TTLL11: variants seen among roughly 807,000 people sequenced by gnomAD.
TTLL11 encodes the protein tubulin polyglutamylase TTLL11.
In TTLL11, 42 loss-of-function variants were observed where a neutral mutation model predicts 51.7. The observed-to-expected ratio is 0.81, with a 90% CI of 0.64 to 1.05. The LOEUF is 1.05. TTLL11 is among the 50% of genes least tolerant of loss of function. TTLL11 has a pLI of 0.00. For synonymous variants in TTLL11, 381 were observed against 383.5 expected (o/e 0.99, Z 0.08); for missense variants, 799 against 940.4 (o/e 0.85, Z 1.97).
intron 8 of TTLL11, among the ~76,000 whole-genome samples, chr9:121,845,323 A>T (rs1371563152): frequency 6.6e-6 from 1 of 152,192 alleles, no homozygotes. Flanking sequence ...ATTATCCTCC[A>T]GAAATGAAGG....
chr9:121,829,847 A>T (rs1588053585), intron 8 of TTLL11, among the ~76,000 whole-genome samples: 1 of 151,666 alleles, frequency 6.6e-6, no homozygotes, highest in Non-Finnish European at 1.5e-5. Context: ...AATACCCCCA[A>T]CCTAGCCTCT....
At chr9:121,895,444 C>A (rs1324710624) in intron 6 of TTLL11, among the ~76,000 whole-genome samples, 2 of 148,338 alleles carry the variant, frequency 1.3e-5, no homozygotes, top group Non-Finnish European at 3.0e-5. Context: ...TGTCTGTGCA[C>A]GTTTGTGTGG....
chr9:121,829,185 C>T (rs1294293331), intron 8 of TTLL11, among the ~76,000 whole-genome samples: 1 of 151,990 alleles, frequency 6.6e-6, no homozygotes, highest in Non-Finnish European at 1.5e-5. Flanking sequence ...AACTCCTGAC[C>T]TAAAGCAATC....
At chr9:121,944,456 C>T (rs185592148) in intron 6 of TTLL11, among the ~76,000 whole-genome samples, 6 of 151,704 alleles carry the variant, frequency 4.0e-5, no homozygotes, top group Admixed American at 3.9e-4. Flanking sequence ...TGCAGTGAGC[C>T]GAGATCGCGC....
chr9:121,867,238 C>T (rs1005354587), intron 7 of TTLL11, among the ~76,000 whole-genome samples: 1 of 152,118 alleles, frequency 6.6e-6, no homozygotes, highest in Non-Finnish European at 1.5e-5. Flanking sequence ...TTTCAAATTG[C>T]CAACATTTGT....
Position 121,974,958 on chromosome 9 carries a change from G to C in TTLL11, c.1291C>G (p.Leu431Val). 1 of 1,536,478 alleles carries C rather than the reference G, an allele frequency of 6.5e-7. No homozygotes were observed. Among genetic ancestry groups the C allele is most frequent in the Non-Finnish European group, 8.7e-7 (1 of 1,143,608 alleles). The change falls in exon 5 of 9, where the codon CTA (leucine) becomes GTA (valine). Residue 431 changes from leucine to valine, a missense_variant. Physicochemically the swap from Leu to Val is conservative, Grantham distance 32. Transcript: ENST00000321582. ...CFQILGFDIL[L>V]MKNLKPILLE... ...AGTATAGGCTTCAGATTTTTCATTAGAAGAATGTCAAAGCCTAAAATCTGG... is the reference window on the plus strand; with the variant it reads ...AGTATAGGCTTCAGATTTTTCATTACAAGAATGTCAAAGCCTAAAATCTGG...
chr9:122,087,731 G>T (rs1162202682), intron 1 of TTLL11, among the ~76,000 whole-genome samples: 2 of 152,122 alleles, frequency 1.3e-5, no homozygotes, highest in Non-Finnish European at 2.9e-5. Context: ...TTTTTCATGA[G>T]GGTAGCAAAA....
intron 6 of TTLL11, among the ~76,000 whole-genome samples, chr9:121,914,053 C>T (rs1296390844): frequency 1.3e-5 from 2 of 152,228 alleles, no homozygotes; most frequent in South Asian, 4.1e-4. Flanking sequence ...AAGAGGTGAA[C>T]TTGCTTATCA....
In TTLL11 at chr9:121,989,823, C is replaced by A. The variant is rs1313471070; in HGVS notation, c.694-53G>T. The stretch of plus-strand genomic sequence containing the variant: ...ATTATATTGTTTTCCCTCTGGATCC[C>A]TAACACAGAGCAAGGCCTTAGCAAA... On this transcript the variant is annotated intron_variant, in intron 3 of 8. Coordinates refer to ENST00000321582, the MANE Select transcript of TTLL11 (RefSeq NM_001139442.2). This position sits in a 1 kb window ranked among gnomAD's most constrained non-coding sequence, Gnocchi z 4.2. The A allele has an allele frequency of 1.3e-6, 2 of 1,539,160 alleles. No individual in the cohort carries two copies. Among genetic ancestry groups the A allele is most frequent in the Non-Finnish European group, 1.7e-6 (2 of 1,146,456 alleles).
intron 6 of TTLL11, among the ~76,000 whole-genome samples, chr9:121,903,791 G>A (rs892583481): frequency 3.9e-5 from 6 of 152,176 alleles, no homozygotes; most frequent in Admixed American, 6.5e-5. Context: ...TCTATACTTC[G>A]TGAATCTGTC....
At chr9:122,020,213 T>C (rs1179934719) in intron 3 of TTLL11, among the ~76,000 whole-genome samples, 1 of 152,238 alleles carries the variant, frequency 6.6e-6, no homozygotes, top group Non-Finnish European at 1.5e-5. Flanking sequence ...GCACAAGCTA[T>C]TGTTTTTAGG....
At chr9:122,090,868 G>A (rs1846242855) in intron 1 of TTLL11, among the ~76,000 whole-genome samples, 1 of 152,204 alleles carries the variant, frequency 6.6e-6, no homozygotes, top group Admixed American at 6.5e-5. Flanking sequence ...ATCTAAAGAA[G>A]TGACAAGAGT....
intron 6 of TTLL11, among the ~76,000 whole-genome samples, chr9:121,884,387 A>G (rs548283913): frequency 5.3e-5 from 8 of 152,262 alleles, no homozygotes; most frequent in African/African-American, 1.9e-4. Flanking sequence ...TAGTTTCCCT[A>G]CTAACAAGCG....
chr9:122,046,799 G>A (rs897983488), intron 1 of TTLL11, among the ~76,000 whole-genome samples: 1 of 152,306 alleles, frequency 6.6e-6, no homozygotes, highest in Non-Finnish European at 1.5e-5. Flanking sequence ...ATGAGGAAAC[G>A]TGGCAAGATA....
At chr9:122,017,933 T>TA (rs1844037963) in intron 3 of TTLL11, among the ~76,000 whole-genome samples, 1 of 152,172 alleles carries the variant, frequency 6.6e-6, no homozygotes, top group Admixed American at 6.5e-5. Flanking sequence ...CTCTGTGTGT[T>TA]ATAGCTATAT....
intron 6 of TTLL11, among the ~76,000 whole-genome samples, chr9:121,879,792 CCCACTTCTACAAAAAATTAAAAATTA>C (rs1838712367): frequency 7.0e-5 from 1 of 14,290 alleles, no homozygotes; most frequent in Non-Finnish European, 1.3e-4. Context: ...ATAGCGAGAC[CCCACTTCTACAAAAAATTAAAAATTA>C]GTCAGCTCTG....
chr9:121,982,425 G>A (rs1297511628), intron 4 of TTLL11, among the ~76,000 whole-genome samples: 2 of 152,156 alleles, frequency 1.3e-5, no homozygotes, highest in Non-Finnish European at 2.9e-5. Context: ...GAGAGAATAA[G>A]TCATTTTTGG....
chr9:121,871,944 G>T (rs1321088652), intron 6 of TTLL11, among the ~76,000 whole-genome samples: 1 of 152,236 alleles, frequency 6.6e-6, no homozygotes, highest in African/African-American at 2.4e-5. Flanking sequence ...CTGGGGCCAG[G>T]CGTAGCCCTC....
intron 4 of TTLL11, among the ~76,000 whole-genome samples, chr9:121,987,955 G>A (rs1842980019): frequency 6.6e-6 from 1 of 152,052 alleles, no homozygotes. Flanking sequence ...CCACTTGGAT[G>A]TCACATAGGC....
Sources: allele counts gnomAD v4.1 joint callset (sites outside exome capture counted in the v4.1 genomes callset), GRCh38; gene constraint gnomAD v4.1.1; non-coding constraint Gnocchi (gnomAD v3.1); transcripts MANE v1.5; gene names NCBI Gene and HGNC (gene_info 2026-07-23, HGNC 2026-07-21).